SPATA31C1: variants seen among roughly 807,000 people sequenced by gnomAD.
SPATA31C1 encodes spermatogenesis-associated protein 31C1.
At chr9:87,919,335 C>G in exon 3 of SPATA31C1, 2 of 1,602,240 alleles carry the variant, frequency 1.2e-6, no homozygotes, top group Non-Finnish European at 1.7e-6. Flanking sequence ...GGATGAAAAA[C>G]CACAGTCTGA....
rs367785498 is a variant in SPATA31C1 at position 87,919,066 on chromosome 9, G to C, written n.523-225G>C. ...ATTATAGGCGTGAGCCACCGCACCC[G>C]ACCCCCTCTTCCTGTTTTTCTAAGA... On this transcript the variant is annotated intron_variant and non_coding_transcript_variant, in intron 2 of 4. Coordinates refer to ENST00000420021, the Ensembl canonical transcript of SPATA31C1. 4.3e-6 allele frequency: 4 copies of C among 938,882 alleles called. No homozygotes were observed. The African/African-American group carries it at 5.0e-5, about 12-fold the overall frequency. The allele number at this position is 938,882 out of a possible 1,614,324, so 58.2% of individuals were successfully genotyped here.
chr9:87,920,257 TG>T (rs1488765178), exon 5 of SPATA31C1: 1 of 1,613,298 alleles, frequency 6.2e-7, no homozygotes, highest in African/African-American at 1.3e-5. Flanking sequence ...TGCAGCCTCC[TG>T]GGGCCACACC....
At chr9:87,915,567 C>T (rs1272746491) in intron 1 of SPATA31C1, among the ~76,000 whole-genome samples, 1 of 144,432 alleles carries the variant, frequency 6.9e-6, no homozygotes, top group Admixed American at 6.9e-5. Context: ...TCCCAAAGTG[C>T]TGGGATTACA....
At position 87,915,832 on chromosome 9, in the gene SPATA31C1, T is replaced by TA. The variant is rs1445729951; in HGVS notation, n.189+1128dup. ...TGATTTCTGTAGCTATGTAAAAAGT[T>TA]AAAAAATTGGGGAGAATAATTCCTC... On this transcript the variant is annotated intron_variant and non_coding_transcript_variant, in intron 1 of 4. Coordinates refer to ENST00000420021, the Ensembl canonical transcript of SPATA31C1. Among the ~76,000 whole-genome samples, 19 of 145,714 alleles carry TA rather than the reference T, an allele frequency of 1.3e-4. 1 individual carries two copies. The highest frequency in any genetic ancestry group is 4.5e-4 in the African/African-American group (18 of 40,062).
exon 5 of SPATA31C1, chr9:87,923,221 C>T (rs1445126499): frequency 2.5e-6 from 4 of 1,603,274 alleles, no homozygotes; most frequent in Non-Finnish European, 3.4e-6. Context: ...CACAGACACC[C>T]GTTCTACTCA....
chr9:87,922,059 A>G, exon 5 of SPATA31C1: 1 of 1,613,994 alleles, frequency 6.2e-7, no homozygotes, highest in Non-Finnish European at 8.5e-7. Flanking sequence ...AGAGCCACCA[A>G]TGGCAAGTCT....
At chr9:87,922,043 C>G (rs1027787244) in exon 5 of SPATA31C1, 5 of 1,613,854 alleles carry the variant, frequency 3.1e-6, no homozygotes. Context: ...TGGCCACGCT[C>G]CTTGGAGAGC....
chr9:87,920,400 G>C (rs1412996334), exon 5 of SPATA31C1: 8 of 1,613,858 alleles, frequency 5.0e-6, no homozygotes, highest in Non-Finnish European at 6.8e-6. Flanking sequence ...CTCCCCGTTA[G>C]CTTCCCCGGA....
At position 87,919,397 on chromosome 9, in the gene SPATA31C1, G is replaced by A. The variant is rs746329955; in HGVS notation, n.580+49G>A. 6.1e-4 allele frequency: 976 copies of A among 1,596,730 alleles called. 2 individuals carry two copies. The highest frequency in any genetic ancestry group is 1.1e-3 in the Admixed American group (65 of 58,182). ...AGAGTTAATTTGATCTCATCTGTCC[G>A]GGAGGGAACTGACTCTGAAGAAGTC... On this transcript the variant is annotated intron_variant and non_coding_transcript_variant, in intron 3 of 4. Transcript: ENST00000420021.
exon 5 of SPATA31C1, chr9:87,921,520 T>C (rs753110511): frequency 5.6e-6 from 9 of 1,611,882 alleles, no homozygotes; most frequent in South Asian, 3.3e-5. Context: ...TCCAGGGGCA[T>C]GGAAAGCTTC....
rs557226812 is a variant in SPATA31C1, at chr9:87,922,858, A to T, written n.3248A>T. ...ATGTTTCAAGGATTGAGGACTCCTC[A>T]ACTTACCCCAGGCAGAAAAACAGAA... On this transcript the variant is annotated non_coding_transcript_exon_variant, in exon 5 of 5. Coordinates refer to ENST00000420021, the Ensembl canonical transcript of SPATA31C1. 1.6e-4 allele frequency: 258 copies of T among 1,606,394 alleles called. 1 individual carries two copies. The highest frequency in any genetic ancestry group is 4.5e-4 in the Admixed American group (27 of 59,734).
At chr9:87,923,317 T>C (rs924124165) in exon 5 of SPATA31C1, 4 of 1,602,194 alleles carry the variant, frequency 2.5e-6, no homozygotes, top group South Asian at 1.1e-5. Flanking sequence ...GACAGACAAA[T>C]CAGAGATCAG....
chr9:87,921,078 A>G (rs1828849497), exon 5 of SPATA31C1: 1 of 1,611,522 alleles, frequency 6.2e-7, no homozygotes, highest in Non-Finnish European at 8.5e-7. Context: ...GTCGCAGAAT[A>G]AAGTGCAAGC....
chr9:87,921,754 C>G (rs1313767598), exon 5 of SPATA31C1: 1 of 1,611,928 alleles, frequency 6.2e-7, no homozygotes, highest in Non-Finnish European at 8.5e-7. Context: ...TTTCCCGTAT[C>G]CAACACCCAC....
In SPATA31C1 at chr9:87,916,926, C is replaced by T. The variant is rs611167; in HGVS notation, n.190-921C>T. Among the ~76,000 whole-genome samples the T allele has an allele frequency of 4.6e-5, 2 of 43,792 alleles. 1 individual carries two copies. The allele number at this position is 43,792 out of a possible 152,430, so 28.7% of individuals were successfully genotyped here. On this transcript the variant is annotated intron_variant and non_coding_transcript_variant, in intron 1 of 4. Transcript: ENST00000420021. ...GCAGGAGAATGGCATGAACCCAGGA[C>T]GCACAGGTTGCAGTGAGCCAAGAGC...
intron 1 of SPATA31C1, among the ~76,000 whole-genome samples, chr9:87,915,901 T>C (rs1185944073): frequency 6.9e-6 from 1 of 144,618 alleles, no homozygotes; most frequent in East Asian, 2.1e-4. Context: ...TGAGCTGTAT[T>C]ATAGAAAAAA....
rs749244149 is a variant in SPATA31C1, at chr9:87,921,600, T to G, written n.1990T>G. ...CCTGAGGAAGCCCTTGAGGAGTGAC[T>G]CAGGAAGTGATTTATTAAGACGCAC... On this transcript the variant is annotated non_coding_transcript_exon_variant, in exon 5 of 5. Transcript: ENST00000420021. 1.9e-6 allele frequency: 3 copies of G among 1,611,954 alleles called. No homozygotes were observed. In the Admixed American group the frequency reaches 5.0e-5, roughly 27 times the overall value.
exon 5 of SPATA31C1, chr9:87,921,287 G>A: frequency 1.9e-6 from 3 of 1,612,008 alleles, no homozygotes; most frequent in Non-Finnish European, 2.5e-6. Context: ...GACAACTGGA[G>A]CAATACATGG....
chr9:87,920,512 C>T (rs754234070), exon 5 of SPATA31C1: 2 of 1,613,858 alleles, frequency 1.2e-6, no homozygotes, highest in African/African-American at 2.7e-5. Context: ...CCAGAACCTT[C>T]CCTTCTCCTA....
Sources: gnomAD v4.1 joint callset for allele counts (sites outside exome capture counted in the v4.1 genomes callset) on GRCh38, gnomAD v4.1.1 for gene constraint, MANE v1.5 for transcripts, NCBI Gene and HGNC (gene_info 2026-07-23, HGNC 2026-07-21) for gene names.